DOCK2: variants seen among roughly 807,000 people sequenced by gnomAD.
DOCK2 encodes dedicator of cytokinesis protein 2.
Under a neutral mutation model 248.9 loss-of-function variants are expected in DOCK2, and 87 were observed. That is an observed-to-expected ratio of 0.35 (90% CI 0.29 to 0.42). The LOEUF is 0.42. Among genes scored for constraint, DOCK2 ranks in the 10% least tolerant of loss-of-function variants. DOCK2 has a pLI of 1.00. For missense variants in DOCK2, 1,747 were observed against 2,300.2 expected, an observed-to-expected ratio of 0.76 and a Z score of 4.92; for synonymous variants, 805 against 821.6, an observed-to-expected ratio of 0.98 and a Z score of 0.35.
At chr5:169,874,189 G>A (rs777363097) in intron 27 of DOCK2, among the ~76,000 whole-genome samples, 1 of 152,088 alleles carries the variant, frequency 6.6e-6, no homozygotes, top group Non-Finnish European at 1.5e-5. Flanking sequence ...AAGGTCAGTG[G>A]ATCACTTGAG....
chr5:169,678,194 G>GA (rs1477972190), intron 6 of DOCK2, among the ~76,000 whole-genome samples: 1 of 151,654 alleles, frequency 6.6e-6, no homozygotes, highest in Non-Finnish European at 1.5e-5. Context: ...TATGTTTCAA[G>GA]GGTATACTTA....
intron 27 of DOCK2, among the ~76,000 whole-genome samples, chr5:169,974,448 A>G (rs1777641601): frequency 6.6e-6 from 1 of 152,250 alleles, no homozygotes; most frequent in Non-Finnish European, 1.5e-5. Context: ...TTAGCCTAGT[A>G]TCTAACATGT....
intron 25 of DOCK2, among the ~76,000 whole-genome samples, chr5:169,770,383 G>C (rs1259307973): frequency 6.7e-6 from 1 of 148,876 alleles, no homozygotes; most frequent in Non-Finnish European, 1.5e-5. Context: ...GTAACCCTGA[G>C]CTCCTGGACT....
chr5:169,848,572 G>A, intron 27 of DOCK2, among the ~76,000 whole-genome samples: 1 of 152,244 alleles, frequency 6.6e-6, no homozygotes. Context: ...CAATCCCATA[G>A]GGAGAATCAA....
At chr5:170,056,558 C>A in intron 42 of DOCK2, 126 bp from the exon 43 acceptor site, 1 of 674,550 alleles carries the variant, frequency 1.5e-6, no homozygotes, top group Non-Finnish European at 2.5e-6. Context: ...ATTTTAAATG[C>A]ACCACAAGGG....
intron 10 of DOCK2, among the ~76,000 whole-genome samples, chr5:169,697,264 G>GAAGAA (rs1760690348): frequency 6.6e-6 from 1 of 152,198 alleles, no homozygotes. Flanking sequence ...GGCTTACTAT[G>GAAGAA]AAGAATTTGT....
At chr5:169,674,522 T>C (rs1759224539) in intron 6 of DOCK2, 77 bp downstream of exon 6, 3 of 1,564,240 alleles carry the variant, frequency 1.9e-6, no homozygotes, top group African/African-American at 1.4e-5. Flanking sequence ...CAGAAGCTTG[T>C]TTTCATTTTT....
intron 14 of DOCK2, among the ~76,000 whole-genome samples, chr5:169,704,757 A>ATGTG (rs1289263393): frequency 1.7e-5 from 2 of 118,376 alleles, no homozygotes; most frequent in East Asian, 5.3e-4. Context: ...TACTCCATAT[A>ATGTG]TATGTGTGTG....
At chr5:169,990,880 G>A (rs1778189367) in intron 29 of DOCK2, among the ~76,000 whole-genome samples, 1 of 152,128 alleles carries the variant, frequency 6.6e-6, no homozygotes. Flanking sequence ...GTTGTCACAT[G>A]GGAGTATTAT....
chr5:169,906,881 A>C (rs1217319995), intron 27 of DOCK2, among the ~76,000 whole-genome samples: 1 of 152,208 alleles, frequency 6.6e-6, no homozygotes, highest in East Asian at 1.9e-4. Flanking sequence ...GGAAATGTGC[A>C]TGAGGCTGGT....
At chr5:169,762,119 A>G (rs759273518) in intron 25 of DOCK2, among the ~76,000 whole-genome samples, 1 of 152,230 alleles carries the variant, frequency 6.6e-6, no homozygotes, top group Non-Finnish European at 1.5e-5. Context: ...ACGCATTTAC[A>G]TGGATGAAAA....
At chr5:169,644,892 G>A (rs1464803865) in intron 1 of DOCK2, among the ~76,000 whole-genome samples, 4 of 152,132 alleles carry the variant, frequency 2.6e-5, no homozygotes, top group African/African-American at 4.8e-5. Flanking sequence ...AGAACAGGCA[G>A]TGTTTGGTTT....
intron 27 of DOCK2, among the ~76,000 whole-genome samples, chr5:169,872,038 A>G (rs261020): frequency 0.79 from 119,534 of 152,102 alleles, 47,722 homozygotes; most frequent in African/African-American, 0.9. Flanking sequence ...CAGGCATGCC[A>G]ACAAGCCACT....
At chr5:169,847,134 C>A (rs369486190) in intron 27 of DOCK2, among the ~76,000 whole-genome samples, 11 of 152,090 alleles carry the variant, frequency 7.2e-5, no homozygotes, top group Non-Finnish European at 1.6e-4. Context: ...TTGGCAATTG[C>A]GATTTGTGCT....
intron 27 of DOCK2, among the ~76,000 whole-genome samples, chr5:169,851,492 C>A (rs1581284769): frequency 6.6e-6 from 1 of 152,118 alleles, no homozygotes; most frequent in South Asian, 2.1e-4. Flanking sequence ...TGGAGCAGAC[C>A]TTTGCTATGG....
chr5:169,798,129 C>G (rs1224834896), intron 25 of DOCK2, among the ~76,000 whole-genome samples: 1 of 152,204 alleles, frequency 6.6e-6, no homozygotes, highest in African/African-American at 2.4e-5. Context: ...GCCTGGTCTG[C>G]AGCTCCCACA....
intron 27 of DOCK2, among the ~76,000 whole-genome samples, chr5:169,853,911 C>A (rs1382493995): frequency 7.4e-6 from 1 of 135,862 alleles, no homozygotes; most frequent in Non-Finnish European, 1.5e-5. Context: ...TCTCGGCTCA[C>A]TGCAAGCTCT....
At chr5:169,935,494 C>A (rs1775946075) in intron 27 of DOCK2, among the ~76,000 whole-genome samples, 1 of 152,148 alleles carries the variant, frequency 6.6e-6, no homozygotes, top group Non-Finnish European at 1.5e-5. Context: ...TTTCTAAAAC[C>A]ACTGCCACCT....
intron 27 of DOCK2, among the ~76,000 whole-genome samples, chr5:169,933,180 A>G (rs1328475312): frequency 6.6e-6 from 1 of 152,216 alleles, no homozygotes; most frequent in East Asian, 1.9e-4. Flanking sequence ...GTGTACCCTG[A>G]AAGAGAGAGG....
Sources: allele counts gnomAD v4.1 joint callset (sites outside exome capture counted in the v4.1 genomes callset), GRCh38; gene constraint gnomAD v4.1.1; transcripts MANE v1.5; gene names NCBI Gene and HGNC (gene_info 2026-07-23, HGNC 2026-07-21).